Variants in STIM1 observed in about 807,000 individuals in gnomAD.
STIM1 encodes the protein stromal interaction molecule 1.
A neutral mutation model predicts 74.7 loss-of-function variants in STIM1; 25 were observed. That is an observed-to-expected ratio of 0.33 (90% confidence interval 0.24 to 0.47). The LOEUF (loss-of-function observed/expected upper bound fraction) is 0.47, where lower values mean the gene tolerates loss of function less well. STIM1 is among the 20% of genes least tolerant of loss of function. STIM1 has a pLI of 1.00. For synonymous variants in STIM1, 328 were observed against 348.8 expected, an observed-to-expected ratio of 0.94 and a Z score of 0.66; for missense variants, 728 against 920.8, an observed-to-expected ratio of 0.79 and a Z score of 2.71.
chr11:3,992,566 G>A (rs2093626629), intron 2 of STIM1, among the ~76,000 whole-genome samples: 1 of 152,142 alleles, frequency 6.6e-6, no homozygotes, highest in South Asian at 2.1e-4. Context: ...TCTGTGGGTT[G>A]CTTTTTCACT....
intron 1 of STIM1, among the ~76,000 whole-genome samples, chr11:3,957,293 G>C (rs929766884): frequency 6.6e-6 from 1 of 152,126 alleles, no homozygotes; most frequent in East Asian, 1.9e-4. Context: ...TTCTTGCTCT[G>C]TTGCGCAGGC....
intron 2 of STIM1, chr11:3,973,220 C>A: frequency 2.2e-6 from 1 of 461,328 alleles, no homozygotes; most frequent in South Asian, 1.7e-5. Context: ...CCAAAGTCAC[C>A]ACAACCACTG....
chr11:4,033,600 C>CT lies in STIM1; in HGVS notation c.385+9626dup, dbSNP rs547277789. ...CAGATATCCATGTTTCATTTCTAAT[C>CT]TTTTTTTTTTTTTGAGTCGGAGTCT... On this transcript the variant is annotated intron_variant, in intron 3 of 12. Transcript: ENST00000526596. 9.9e-3 allele frequency among the ~76,000 whole-genome samples: 1,419 copies of CT among 142,726 alleles called. 16 individuals carry two copies. Among genetic ancestry groups the CT allele is most frequent in the African/African-American group, 0.031 (1,198 of 39,174 alleles). 93.6% of individuals were successfully genotyped at this position (142,726 alleles called of 152,430 possible). A position where few individuals can be genotyped will look rare whatever the true frequency, so the allele number is the denominator to read the frequency against.
At chr11:4,024,052 T>C in intron 3 of STIM1, 65 bp downstream of exon 3, 1 of 1,389,050 alleles carries the variant, frequency 7.2e-7, no homozygotes, top group South Asian at 1.2e-5. Flanking sequence ...AAGCAGCAAC[T>C]TGGCCTTAGA....
intron 1 of STIM1, 92 bp from the exon 2 acceptor site, chr11:3,967,460 C>T: frequency 6.3e-7 from 1 of 1,598,640 alleles, no homozygotes; most frequent in Non-Finnish European, 8.6e-7. Flanking sequence ...CATGAGGAGT[C>T]AGATGCTAGA....
At chr11:3,962,697 A>T (rs2093300163) in intron 1 of STIM1, among the ~76,000 whole-genome samples, 1 of 152,170 alleles carries the variant, frequency 6.6e-6, no homozygotes, top group South Asian at 2.1e-4. Flanking sequence ...GCATTCCCCT[A>T]ACAGTGTATG....
At chr11:3,993,529 G>A (rs1314775887) in intron 2 of STIM1, among the ~76,000 whole-genome samples, 1 of 152,136 alleles carries the variant, frequency 6.6e-6, no homozygotes, top group Non-Finnish European at 1.5e-5. Context: ...GGTGGCATAT[G>A]CCTGTAATCT....
At chr11:3,964,876 C>T (rs1270397105) in intron 1 of STIM1, among the ~76,000 whole-genome samples, 4 of 152,078 alleles carry the variant, frequency 2.6e-5, no homozygotes, top group Non-Finnish European at 2.9e-5. Flanking sequence ...AGGTGTGTGC[C>T]ATCATGCCTG....
At chr11:4,028,621 G>T (rs2094019673) in intron 3 of STIM1, among the ~76,000 whole-genome samples, 1 of 151,722 alleles carries the variant, frequency 6.6e-6, no homozygotes, top group South Asian at 2.1e-4. Context: ...GTTGGACCAG[G>T]CTGGTCTCGA....
intron 2 of STIM1, 127 bp from the exon 3 acceptor site, chr11:4,023,746 T>C: frequency 1.4e-6 from 1 of 712,520 alleles, no homozygotes; most frequent in Non-Finnish European, 2.6e-6. Flanking sequence ...ACATGAGTGA[T>C]GTGATACACT....
intron 1 of STIM1, among the ~76,000 whole-genome samples, chr11:3,932,114 A>G (rs987166899): frequency 6.6e-6 from 1 of 152,156 alleles, no homozygotes; most frequent in Non-Finnish European, 1.5e-5. Flanking sequence ...TCAGCCCGCC[A>G]CTACTGGACC....
In STIM1 at chr11:4,078,654, G is replaced by A. The variant is rs1406115287; in HGVS notation, c.970-3530G>A. 5.3e-5 allele frequency among the ~76,000 whole-genome samples: 8 copies of A among 150,784 alleles called. No individual in the cohort carries two copies. In the East Asian group the frequency reaches 7.8e-4, roughly 15 times the overall value. Reference sequence around the variant, plus strand: ...ACAATCTCGGCTCACTGCAACCTCCGCCTCCCAGGTTCAAGCAATTCTCCT... The same window carrying A: ...ACAATCTCGGCTCACTGCAACCTCCACCTCCCAGGTTCAAGCAATTCTCCT... On this transcript the variant is annotated intron_variant, in intron 7 of 12. Transcript: ENST00000526596.
intron 2 of STIM1, among the ~76,000 whole-genome samples, chr11:3,983,818 C>T (rs2093530490): frequency 2.0e-5 from 3 of 152,066 alleles, no homozygotes; most frequent in Admixed American, 2.0e-4. Flanking sequence ...CAGCCTGGAG[C>T]TACTGCTGCT....
chr11:3,895,299 A>G (rs1030537021), intron 1 of STIM1, among the ~76,000 whole-genome samples: 1 of 152,190 alleles, frequency 6.6e-6, no homozygotes, highest in African/African-American at 2.4e-5. Flanking sequence ...TCTCCTAGTG[A>G]CAGTGCAAAT....
At chr11:3,858,381 C>A (rs972729184) in intron 1 of STIM1, among the ~76,000 whole-genome samples, 3 of 152,046 alleles carry the variant, frequency 2.0e-5, no homozygotes, top group Non-Finnish European at 2.9e-5. Context: ...ACCACTTAGG[C>A]CTACTCATGC....
At chr11:3,983,263 T>A (rs1346185634) in intron 2 of STIM1, among the ~76,000 whole-genome samples, 1 of 152,134 alleles carries the variant, frequency 6.6e-6, no homozygotes, top group Non-Finnish European at 1.5e-5. Flanking sequence ...CCTCCAACTT[T>A]GATAGAGATG....
At chr11:3,876,828 G>A (rs754472637) in intron 1 of STIM1, among the ~76,000 whole-genome samples, 19 of 152,188 alleles carry the variant, frequency 1.2e-4, no homozygotes, top group Non-Finnish European at 2.2e-4. Context: ...CATAAAGATA[G>A]GGTTCTTGTC....
intron 1 of STIM1, among the ~76,000 whole-genome samples, chr11:3,885,314 G>C (rs2091664975): frequency 1.3e-5 from 2 of 151,798 alleles, no homozygotes; most frequent in Non-Finnish European, 2.9e-5. Flanking sequence ...AAGTAGCTGG[G>C]GCTATAGACG....
chr11:3,965,821 C>T (rs2093334802), intron 1 of STIM1, among the ~76,000 whole-genome samples: 1 of 151,858 alleles, frequency 6.6e-6, no homozygotes, highest in Admixed American at 6.6e-5. Context: ...GCCTGGCCAA[C>T]ATGCTGAAAC....
Sources: gnomAD v4.1 joint callset for allele counts (sites outside exome capture counted in the v4.1 genomes callset) on GRCh38, gnomAD v4.1.1 for gene constraint, MANE v1.5 for transcripts, NCBI Gene and HGNC (gene_info 2026-07-23, HGNC 2026-07-21) for gene names.